COL18A1: variants seen among roughly 807,000 people sequenced by gnomAD.
The protein encoded by COL18A1 is collagen type XVIII alpha 1 chain.
Under a neutral mutation model 168.0 loss-of-function variants are expected in COL18A1, and 133 were observed. That is an observed-to-expected ratio of 0.79 (90% CI 0.69 to 0.91). The LOEUF (loss-of-function observed/expected upper bound fraction) is 0.91, where lower values mean the gene tolerates loss of function less well. Ranked by LOEUF, COL18A1 falls within the 40% of genes least tolerant of loss-of-function variation. The pLI is 0.00. For synonymous variants in COL18A1, 949 were observed against 809.0 expected, an observed-to-expected ratio of 1.17 and a Z score of -2.94; for missense variants, 2,126 against 1,925.4, an observed-to-expected ratio of 1.10 and a Z score of -1.95.
At position 45,486,844 on chromosome 21, in the gene COL18A1, C is replaced by T; in HGVS notation, c.1702-17C>T. 6.5e-7 allele frequency: 1 copy of T among 1,526,904 alleles called. No homozygotes were observed. The highest frequency in any genetic ancestry group is 1.2e-5 in the South Asian group (1 of 82,768). 94.6% of individuals were successfully genotyped at this position (1,526,904 alleles called of 1,614,324 possible). A position where few individuals can be genotyped will look rare whatever the true frequency, so the allele number is the denominator to read the frequency against. On this transcript the variant is annotated splice_polypyrimidine_tract_variant and intron_variant, in intron 15 of 41. Transcript: ENST00000651438. ...GGGCTGGGCTGGGTCCTGACACGCT[C>T]TCCTCACCCCACGCAGGGGAGCAAG...
In COL18A1 at chr21:45,503,996, G is replaced by GTC. The variant is rs148455528; in HGVS notation, c.2684-7_2684-6dup. On this transcript the variant is annotated splice_polypyrimidine_tract_variant and intron_variant, in intron 32 of 41. Coordinates refer to ENST00000651438, the MANE Select transcript of COL18A1 (RefSeq NM_001379500.1). ...ACACCACCTCAGCGAGACCCCGCCT[G>GTC]TCTCTCTCTTGCAGGGCAGTTTCCG... 3 of 1,613,494 alleles carry GTC rather than the reference G, an allele frequency of 1.9e-6. No individual in the cohort carries two copies. The highest frequency in any genetic ancestry group is 2.5e-6 in the Non-Finnish European group (3 of 1,179,962).
In COL18A1 at chr21:45,487,481, C is replaced by T. The variant is rs952022052; in HGVS notation, c.1868C>T (p.Ser623Leu). The change falls in exon 17 of 42, where the codon TCA (serine) becomes TTA (leucine). Residue 623 changes from serine (S) to leucine (L), a missense_variant. Transcript: ENST00000651438. Reference sequence around the variant, plus strand: ...GAAGGCTCCGGGGGGCCCTTCTGGTCAACAGCCCGAAGCGCTGATGGGCCA... The same window carrying T: ...GAAGGCTCCGGGGGGCCCTTCTGGTTAACAGCCCGAAGCGCTGATGGGCCA... ...DMEGSGGPFWSTARSADGPQG... is the reference protein window; with the variant it reads ...DMEGSGGPFWLTARSADGPQG... The T allele has an allele frequency of 6.2e-7, 1 of 1,613,152 alleles. No individual in the cohort carries two copies. Among genetic ancestry groups the T allele is most frequent in the Non-Finnish European group, 8.5e-7 (1 of 1,180,010 alleles).
In COL18A1 at chr21:45,478,330, G is replaced by C; in HGVS notation, c.1225G>C (p.Asp409His). ...GTPGRDGEPG[D>H]PGEDGKPGDT... ...ATGGCTTCTCTTGCACACCCAGGGC[G>C]ACCCCGGTGAAGACGGAAAGCCGGT... Residue 409 changes from aspartate to histidine, a missense_variant, in exon 9 of 42, where the codon GAC (aspartate) becomes CAC (histidine). Asp to His is a moderately conservative substitution (Grantham distance 81). Transcript: ENST00000651438. The C allele has an allele frequency of 1.2e-6, 2 of 1,613,968 alleles. No homozygotes were observed. Among genetic ancestry groups the C allele is most frequent in the Non-Finnish European group, 1.7e-6 (2 of 1,180,000 alleles).
chr21:45,414,596 GC>G (rs1475271916), intron 2 of COL18A1, among the ~76,000 whole-genome samples: 2 of 152,160 alleles, frequency 1.3e-5, no homozygotes, highest in Non-Finnish European at 2.9e-5. Context: ...CCCAGGCCTG[GC>G]CCCTGCTGAT....
intron 9 of COL18A1, among the ~76,000 whole-genome samples, chr21:45,478,996 T>C (rs116349681): frequency 0.013 from 2,030 of 152,150 alleles, 47 homozygotes; most frequent in African/African-American, 0.046. Flanking sequence ...CCAAGCTGCC[T>C]GCGATGAGGA....
intron 15 of COL18A1, among the ~76,000 whole-genome samples, chr21:45,484,233 C>A (rs540602382): frequency 1.4e-5 from 2 of 145,222 alleles, no homozygotes; most frequent in African/African-American, 2.7e-5. Flanking sequence ...AGCATATGTG[C>A]ACACACACCT....
intron 22 of COL18A1, among the ~76,000 whole-genome samples, 163 bp from the exon 23 acceptor site, chr21:45,492,372 C>T (rs369531894): frequency 1.3e-5 from 2 of 152,186 alleles, no homozygotes; most frequent in African/African-American, 2.4e-5. Context: ...AGCTGAGGGG[C>T]GTCTGTGCTG....
intron 40 of COL18A1, among the ~76,000 whole-genome samples, chr21:45,510,728 G>T (rs1478804663): frequency 6.6e-6 from 1 of 152,178 alleles, no homozygotes; most frequent in Non-Finnish European, 1.5e-5. Context: ...GTGCCCCGGG[G>T]AGCACCCACA....
chr21:45,473,948 C>T lies in COL18A1; in HGVS notation c.705C>T (p.His235=). The T allele has an allele frequency of 4.4e-6, 7 of 1,604,698 alleles. No individual in the cohort carries two copies. Among genetic ancestry groups the T allele is most frequent in the Non-Finnish European group, 6.0e-6 (7 of 1,175,846 alleles). ...VRRDPQVSPM[H]CLDEEGDDSD... ...GGGACCCCCAGGTGAGCCCCATGCA[C>T]TGCCTGGACGAGGAAGGCGATGACT... The change falls in exon 4 of 42, where the codon CAC becomes CAT. Residue 235 remains histidine (H), a synonymous_variant. Transcript: ENST00000651438. The surrounding 1 kb of genome is among the most constrained non-coding windows in gnomAD (Gnocchi z 4.0).
In COL18A1 at chr21:45,507,335, G is replaced by C. The variant is rs1020804722; in HGVS notation, c.3217-226G>C. The C allele has an allele frequency of 6.0e-5, 36 of 601,328 alleles. 1 individual carries two copies. In the Middle Eastern group the frequency reaches 1.3e-3, roughly 22 times the overall value. The allele number at this position is 601,328 out of a possible 1,614,324, so 37.2% of individuals were successfully genotyped here. On this transcript the variant is annotated intron_variant, in intron 37 of 41. Transcript: ENST00000651438. The stretch of plus-strand genomic sequence containing the variant: ...ACCCTCCTGTGGGCTGGCAGGGCCG[G>C]GTGCTGGGCAGGGAGGGCACCCTGC...
In COL18A1 at chr21:45,468,301, G is replaced by A. The variant is rs375009748; in HGVS notation, c.166G>A (p.Val56Ile). The change falls in exon 3 of 42, where the codon GTC becomes ATC. Residue 56 changes from valine to isoleucine, a missense_variant. Transcript: ENST00000651438. ...CCTTGGGGACCCCCCGCCCCAGCAG[G>A]TCACCCAGACGGATGACCCCGACGT... Reference protein sequence around the residue: ...QLLGDPPPQQVTQTDDPDVGL... With the variant: ...QLLGDPPPQQITQTDDPDVGL... 2.8e-5 allele frequency: 45 copies of A among 1,613,214 alleles called. No homozygotes were observed. Among genetic ancestry groups the A allele is most frequent in the Middle Eastern group, 1.6e-4 (1 of 6,084 alleles).
chr21:45,452,726 A>C (rs1328900492), intron 2 of COL18A1, among the ~76,000 whole-genome samples: 1 of 149,696 alleles, frequency 6.7e-6, no homozygotes, highest in Non-Finnish European at 1.5e-5. Flanking sequence ...TTCACATGTG[A>C]CGTGTGAGCA....
In COL18A1 at chr21:45,511,078, A is replaced by C. The variant is rs56335679; in HGVS notation, c.3694-33A>C. The stretch of plus-strand genomic sequence containing the variant: ...CCCACACCCATCCACACCCCCACAC[A>C]CCACACACACATACACACGGTTTCT... On this transcript the variant is annotated intron_variant, in intron 40 of 41. Transcript: ENST00000651438. 409,822 of 958,950 alleles carry C rather than the reference A, an allele frequency of 0.43. 88,341 individuals are homozygous for C. Among genetic ancestry groups the C allele is most frequent in the East Asian group, 0.62 (21,056 of 33,742 alleles). 59.4% of individuals were successfully genotyped at this position (958,950 alleles called of 1,614,324 possible). A position where few individuals can be genotyped will look rare whatever the true frequency, so the allele number is the denominator to read the frequency against.
intron 2 of COL18A1, among the ~76,000 whole-genome samples, chr21:45,467,098 C>T (rs2035238966): frequency 6.6e-6 from 1 of 152,258 alleles, no homozygotes; most frequent in Admixed American, 6.5e-5. Flanking sequence ...CTGCCCCTGG[C>T]CCAGACTGTG....
At chr21:45,452,943 C>CCTAT in intron 2 of COL18A1, among the ~76,000 whole-genome samples, 1 of 150,744 alleles carries the variant, frequency 6.6e-6, no homozygotes, top group African/African-American at 2.4e-5. Context: ...GACATGTGAG[C>CCTAT]ATGTATGTAC....
chr21:45,411,275 C>T (rs763357936), intron 2 of COL18A1, among the ~76,000 whole-genome samples: 4 of 152,166 alleles, frequency 2.6e-5, no homozygotes, highest in Admixed American at 6.5e-5. Context: ...TGACCTCTTC[C>T]ATGCTGGGGC....
chr21:45,503,743 A>C (rs1459761175), intron 32 of COL18A1, among the ~76,000 whole-genome samples: 1 of 152,080 alleles, frequency 6.6e-6, no homozygotes, highest in Non-Finnish European at 1.5e-5. Flanking sequence ...ATATGTAACT[A>C]ACCTGCACAT....
chr21:45,449,507 C>T (rs1355673966), intron 2 of COL18A1, among the ~76,000 whole-genome samples: 1 of 152,124 alleles, frequency 6.6e-6, no homozygotes, highest in Non-Finnish European at 1.5e-5. Flanking sequence ...AGAGAAGCCT[C>T]GTCGTGGAAT....
chr21:45,508,584 G>T (rs1038126966), intron 38 of COL18A1, among the ~76,000 whole-genome samples: 1 of 152,172 alleles, frequency 6.6e-6, no homozygotes. Context: ...TCCAGCTGCT[G>T]TCGGCCCCTC....
Sources: allele counts gnomAD v4.1 joint callset (sites outside exome capture counted in the v4.1 genomes callset), GRCh38; gene constraint gnomAD v4.1.1; non-coding constraint Gnocchi (gnomAD v3.1); transcripts MANE v1.5; gene names NCBI Gene and HGNC (gene_info 2026-07-23, HGNC 2026-07-21).